SH3RF3: variants seen among roughly 807,000 people sequenced by gnomAD.
SH3RF3 encodes E3 ubiquitin-protein ligase SH3RF3.
A neutral mutation model predicts 66.3 loss-of-function variants in SH3RF3; 29 were observed. The observed-to-expected ratio is 0.44, with a 90% confidence interval of 0.33 to 0.60. The LOEUF is 0.60. SH3RF3 is among the 20% of genes least tolerant of loss of function. SH3RF3 has a pLI of 0.04. For missense variants in SH3RF3, 1,194 were observed against 1,190.9 expected, an observed-to-expected ratio of 1.00 and a Z score of -0.04; for synonymous variants, 583 against 532.0, an observed-to-expected ratio of 1.10 and a Z score of -1.32.
rs569036135 is a variant in SH3RF3 at position 109,391,033 on chromosome 2, C to T, written c.946-7557C>T. ...AGGTGGACGGGTGCCACCTGCCTCT[C>T]ATGGGACCAGCCTGCACCTGACAGG... On this transcript the variant is annotated intron_variant, in intron 3 of 9. Coordinates refer to ENST00000309415, the MANE Select transcript of SH3RF3 (RefSeq NM_001099289.3). 3.9e-5 allele frequency among the ~76,000 whole-genome samples: 6 copies of T among 152,344 alleles called. No individual in the cohort carries two copies. The South Asian group carries it at 1.2e-3, about 32-fold the overall frequency.
intron 8 of SH3RF3, among the ~76,000 whole-genome samples, chr2:109,470,951 G>A (rs1469511366): frequency 6.6e-6 from 1 of 152,178 alleles, no homozygotes; most frequent in Non-Finnish European, 1.5e-5. Flanking sequence ...TGGGTGCGGT[G>A]GCTCACGCCT....
At chr2:109,253,483 A>C (rs1485925648) in intron 1 of SH3RF3, among the ~76,000 whole-genome samples, 1 of 152,166 alleles carries the variant, frequency 6.6e-6, no homozygotes, top group Non-Finnish European at 1.5e-5. Flanking sequence ...CCCAGCTCTC[A>C]TGTTTCCCAG....
At chr2:109,336,559 G>A (rs1344972017) in intron 1 of SH3RF3, among the ~76,000 whole-genome samples, 1 of 152,246 alleles carries the variant, frequency 6.6e-6, no homozygotes, top group Non-Finnish European at 1.5e-5. Flanking sequence ...CAGTTTCCAA[G>A]GGAGGAGGAT....
rs190243182 is a variant in SH3RF3 at position 109,464,268 on chromosome 2, A to G, written c.2148+14779A>G. Among the ~76,000 whole-genome samples the G allele has an allele frequency of 2.6e-5, 4 of 152,352 alleles. No homozygotes were observed. The East Asian group carries it at 7.7e-4, about 29-fold the overall frequency. ...TACACACACAGATACACATCCACAC[A>G]CAAATATACACACATTCATACATAT... On this transcript the variant is annotated intron_variant, in intron 8 of 9. Coordinates refer to ENST00000309415, the MANE Select transcript of SH3RF3 (RefSeq NM_001099289.3).
intron 1 of SH3RF3, among the ~76,000 whole-genome samples, chr2:109,160,322 G>C (rs1358986120): frequency 1.3e-5 from 2 of 152,244 alleles, no homozygotes; most frequent in African/African-American, 4.8e-5. Flanking sequence ...CTTTCTTGGG[G>C]TGCAGCCCAT....
At chr2:109,279,303 G>A (rs959685815) in intron 1 of SH3RF3, among the ~76,000 whole-genome samples, 4 of 152,210 alleles carry the variant, frequency 2.6e-5, no homozygotes, top group Non-Finnish European at 1.5e-5. Context: ...GCTGCAAAGG[G>A]ATTGCAGTGG....
At chr2:109,251,329 TAG>T (rs1337246239) in intron 1 of SH3RF3, 3 of 487,962 alleles carry the variant, frequency 6.1e-6, no homozygotes, top group Admixed American at 2.8e-5. Context: ...AACAAAGAAT[TAG>T]AGAGATGCAA....
rs766272880 is a variant in SH3RF3, at chr2:109,490,928, C to T, written c.2472C>T (p.Pro824=). The T allele has an allele frequency of 1.3e-6, 2 of 1,496,836 alleles. No homozygotes were observed. The highest frequency in any genetic ancestry group is 1.8e-6 in the Non-Finnish European group (2 of 1,122,660). The allele number at this position is 1,496,836 out of a possible 1,614,324, so 92.7% of individuals were successfully genotyped here. ...TCCGCCCCGAGCCCAAGCTGTTGCC[C>T]AGAGAGAGGTAAGTGCAGGGGCTTG... ...AAIRPEPKLL[P]RERYRVVVSY... Residue 824 remains proline (P), a synonymous_variant, in exon 9 of 10, where the codon CCC becomes CCT. Transcript: ENST00000309415.
intron 1 of SH3RF3, among the ~76,000 whole-genome samples, chr2:109,280,687 C>CT (rs1407166164): frequency 6.6e-6 from 1 of 152,216 alleles, no homozygotes; most frequent in Non-Finnish European, 1.5e-5. Context: ...AACCTTTCTG[C>CT]TTTGTAGCAC....
intron 7 of SH3RF3, 39 bp from the exon 8 acceptor site, chr2:109,449,127 AAACT>A: frequency 1.3e-6 from 2 of 1,590,040 alleles, no homozygotes; most frequent in Middle Eastern, 1.7e-4. Context: ...GGCAAGTTGC[AAACT>A]AACCTTTCAA....
chr2:109,350,484 G>T (rs575525685), intron 2 of SH3RF3, among the ~76,000 whole-genome samples: 1 of 152,344 alleles, frequency 6.6e-6, no homozygotes, highest in Non-Finnish European at 1.5e-5. Flanking sequence ...CGACCTTCCT[G>T]CCATGCTCCT....
rs964887815 is a variant in SH3RF3 at position 109,390,528 on chromosome 2, C to T, written c.946-8062C>T. On this transcript the variant is annotated intron_variant, in intron 3 of 9. Coordinates refer to ENST00000309415, the MANE Select transcript of SH3RF3 (RefSeq NM_001099289.3). ...TGCCAGTCCAGGAGGGACACATCAC[C>T]CAATATCAAGAGGTTAAACTCGAAG... is the stretch of plus-strand genomic sequence containing the variant. Among the ~76,000 whole-genome samples the T allele has an allele frequency of 2.6e-5, 4 of 152,186 alleles. No homozygotes were observed. The South Asian group carries it at 8.3e-4, about 32-fold the overall frequency.
chr2:109,148,538 A>AT (rs1160504630), intron 1 of SH3RF3, among the ~76,000 whole-genome samples: 1 of 152,220 alleles, frequency 6.6e-6, no homozygotes, highest in Non-Finnish European at 1.5e-5. Context: ...TCTGGGGAAT[A>AT]TTACTGCTGA....
intron 1 of SH3RF3, among the ~76,000 whole-genome samples, chr2:109,290,076 C>G (rs1681128108): frequency 1.3e-5 from 2 of 152,214 alleles, no homozygotes; most frequent in South Asian, 4.1e-4. Flanking sequence ...CAAGGAATCT[C>G]TCTTGTGATG....
intron 8 of SH3RF3, among the ~76,000 whole-genome samples, chr2:109,450,328 A>T (rs1357590463): frequency 6.6e-6 from 1 of 150,994 alleles, no homozygotes; most frequent in African/African-American, 2.4e-5. Context: ...CCTGGGCAAC[A>T]GAGCAAGACT....
intron 1 of SH3RF3, among the ~76,000 whole-genome samples, chr2:109,306,369 C>G (rs893904483): frequency 6.6e-6 from 1 of 152,248 alleles, no homozygotes; most frequent in Non-Finnish European, 1.5e-5. Flanking sequence ...TCCAGCAGCA[C>G]CTGCAGAGTG....
chr2:109,360,109 C>T (rs893603790), intron 2 of SH3RF3, among the ~76,000 whole-genome samples: 1 of 151,150 alleles, frequency 6.6e-6, no homozygotes, highest in African/African-American at 2.4e-5. Context: ...AATCAAAGCA[C>T]AGCATCATAG....
chr2:109,484,328 A>C lies in SH3RF3; in HGVS notation c.2149-6277A>C, dbSNP rs1046658839. 5.9e-5 allele frequency among the ~76,000 whole-genome samples: 9 copies of C among 152,002 alleles called. 1 individual carries two copies. The highest frequency in any genetic ancestry group is 5.2e-4 in the Admixed American group (8 of 15,280). On this transcript the variant is annotated intron_variant, in intron 8 of 9. Transcript: ENST00000309415. ...GTGATCCGTCCACCTTGGCCTCCCA[A>C]AGTGCTGGGATTACAGGCATGAGCC...
rs70956302 is a variant in SH3RF3 at position 109,163,390 on chromosome 2, C to CTTTTT, written c.573+33299_573+33303dup. ...AATAGATTAACCAAGAGCAAATATT[C>CTTTTT]TTTTTTTTTTTTTTTTTTTTTTTTT... On this transcript the variant is annotated intron_variant, in intron 1 of 9. Coordinates refer to ENST00000309415, the MANE Select transcript of SH3RF3 (RefSeq NM_001099289.3). 1.7e-3 allele frequency among the ~76,000 whole-genome samples: 116 copies of CTTTTT among 70,266 alleles called. 25 individuals are homozygous for CTTTTT. The highest frequency in any genetic ancestry group is 4.5e-3 in the African/African-American group (77 of 16,934). The allele number at this position is 70,266 out of a possible 152,430, so 46.1% of individuals were successfully genotyped here. A position where few individuals can be genotyped will look rare whatever the true frequency, so the allele number is the denominator to read the frequency against.
Sources: allele counts gnomAD v4.1 joint callset (sites outside exome capture counted in the v4.1 genomes callset), GRCh38; gene constraint gnomAD v4.1.1; transcripts MANE v1.5; gene names NCBI Gene and HGNC (gene_info 2026-07-23, HGNC 2026-07-21).